Variants in CDH13 observed in about 807,000 individuals in gnomAD.
The protein encoded by CDH13 is cadherin-13.
In CDH13, 24 loss-of-function variants were observed where a neutral mutation model predicts 63.8. The ratio of observed to expected loss-of-function variants is 0.38; its 90% CI spans 0.27 to 0.53. The LOEUF is 0.53. CDH13 is among the 20% of genes least tolerant of loss of function. The probability of loss-of-function intolerance (pLI) is 0.85; values close to 1 mark genes in which losing one functional copy is unlikely to be tolerated. For missense variants in CDH13, 1,049 were observed against 903.1 expected, an observed-to-expected ratio of 1.16 and a Z score of -2.07; for synonymous variants, 503 against 355.3, an observed-to-expected ratio of 1.42 and a Z score of -4.67.
intron 7 of CDH13, among the ~76,000 whole-genome samples, chr16:83,580,689 G>A (rs1181838447): frequency 6.6e-6 from 1 of 152,034 alleles, no homozygotes; most frequent in Non-Finnish European, 1.5e-5. Flanking sequence ...TAGAGACAGG[G>A]TTTTGCTGTG....
At chr16:83,761,015 G>A (rs1470146325) in intron 11 of CDH13, among the ~76,000 whole-genome samples, 1 of 152,134 alleles carries the variant, frequency 6.6e-6, no homozygotes, top group Non-Finnish European at 1.5e-5. Context: ...TTTGCAACGG[G>A]CAGAAGTGAC....
At chr16:82,682,828 G>A (rs1914687820) in intron 1 of CDH13, among the ~76,000 whole-genome samples, 2 of 152,168 alleles carry the variant, frequency 1.3e-5, no homozygotes, top group African/African-American at 4.8e-5. Flanking sequence ...TCCGAAGTCT[G>A]TGCCACCCTG....
chr16:83,051,007 A>C (rs2030264283), intron 3 of CDH13, among the ~76,000 whole-genome samples: 1 of 152,086 alleles, frequency 6.6e-6, no homozygotes, highest in Non-Finnish European at 1.5e-5. Flanking sequence ...AACTGGTTTG[A>C]ACATCATTTC....
chr16:83,119,036 C>T (rs1001756471), intron 3 of CDH13, among the ~76,000 whole-genome samples: 1 of 152,168 alleles, frequency 6.6e-6, no homozygotes, highest in African/African-American at 2.4e-5. Context: ...TCCATGTAAT[C>T]GCCTAGCACA....
chr16:83,414,592 C>T (rs2092173336), intron 6 of CDH13, among the ~76,000 whole-genome samples: 2 of 152,024 alleles, frequency 1.3e-5, no homozygotes, highest in Admixed American at 1.3e-4. Flanking sequence ...CCCCTAGACC[C>T]TGACAGACAC....
intron 8 of CDH13, chr16:83,654,859 A>G (rs1419901145): frequency 6.6e-6 from 1 of 152,206 alleles, no homozygotes; most frequent in East Asian, 1.9e-4. Flanking sequence ...GTGAAAGAGC[A>G]TCTCCAGGTG....
At chr16:83,366,995 A>G (rs907412575) in intron 6 of CDH13, among the ~76,000 whole-genome samples, 6 of 152,076 alleles carry the variant, frequency 3.9e-5, no homozygotes, top group African/African-American at 1.4e-4. Context: ...TGTATGATTC[A>G]CCCATTTAAA....
chr16:83,307,105 T>G (rs900313385), intron 5 of CDH13, among the ~76,000 whole-genome samples: 1 of 152,150 alleles, frequency 6.6e-6, no homozygotes, highest in African/African-American at 2.4e-5. Context: ...GAAAAACTTG[T>G]GGTAACAACA....
At chr16:83,383,545 G>T (rs1029383999) in intron 6 of CDH13, among the ~76,000 whole-genome samples, 1 of 152,088 alleles carries the variant, frequency 6.6e-6, no homozygotes, top group Non-Finnish European at 1.5e-5. Context: ...TCTACTGCAA[G>T]GAAGACTGTT....
At chr16:82,865,277 C>T (rs2040087142) in intron 2 of CDH13, among the ~76,000 whole-genome samples, 1 of 152,234 alleles carries the variant, frequency 6.6e-6, no homozygotes, top group Non-Finnish European at 1.5e-5. Context: ...GGCTGTGCCC[C>T]AGTGGGGACT....
At chr16:82,847,668 G>A (rs1771897905) in intron 1 of CDH13, among the ~76,000 whole-genome samples, 1 of 152,172 alleles carries the variant, frequency 6.6e-6, no homozygotes. Flanking sequence ...CAGGTCCTGG[G>A]GAGTAGGGTG....
intron 1 of CDH13, among the ~76,000 whole-genome samples, chr16:82,666,145 G>C (rs113383573): frequency 6.6e-6 from 1 of 151,940 alleles, no homozygotes; most frequent in East Asian, 1.9e-4. Context: ...CTGTTTTTTT[G>C]CCAAAAAATA....
At chr16:83,450,714 T>C (rs1366150503) in intron 6 of CDH13, among the ~76,000 whole-genome samples, 1 of 151,880 alleles carries the variant, frequency 6.6e-6, no homozygotes, top group Non-Finnish European at 1.5e-5. Flanking sequence ...ACTAAAAATA[T>C]AAAAAATTAG....
intron 6 of CDH13, among the ~76,000 whole-genome samples, chr16:83,400,773 T>C (rs1396515484): frequency 1.3e-5 from 2 of 152,164 alleles, no homozygotes; most frequent in Admixed American, 1.3e-4. Context: ...ACTCTTTCCA[T>C]TTGGCCCAGT....
At position 83,378,466 on chromosome 16, in the gene CDH13, G is replaced by C. The variant is rs189005419; in HGVS notation, c.781+33460G>C. Among the ~76,000 whole-genome samples the C allele has an allele frequency of 2.6e-5, 4 of 152,264 alleles. No individual in the cohort carries two copies. In the East Asian group the frequency reaches 7.7e-4, roughly 29 times the overall value. ...CTAGTTGTCTGCAACGATAATATAT[G>C]TGACTGTTATTTTGTCTCATATCTC... On this transcript the variant is annotated intron_variant, in intron 6 of 13. Coordinates refer to ENST00000567109, the MANE Select transcript of CDH13 (RefSeq NM_001257.5).
At chr16:83,064,407 G>A (rs1190232369) in intron 3 of CDH13, among the ~76,000 whole-genome samples, 4 of 152,050 alleles carry the variant, frequency 2.6e-5, no homozygotes, top group Admixed American at 2.0e-4. Flanking sequence ...AAGTCATTTA[G>A]GAACAGATTT....
At chr16:82,950,807 C>CTTTTTTT (rs67534843) in intron 2 of CDH13, among the ~76,000 whole-genome samples, 2 of 132,120 alleles carry the variant, frequency 1.5e-5, no homozygotes, top group South Asian at 2.5e-4. Flanking sequence ...ACTCCCACAT[C>CTTTTTTT]TTTTTTTTTT....
At chr16:83,717,734 G>A (rs1909137335) in intron 10 of CDH13, 1 of 152,300 alleles carries the variant, frequency 6.6e-6, no homozygotes, top group South Asian at 2.1e-4. Context: ...GAAAAAGTAG[G>A]CCAATTAACC....
chr16:82,758,080 G>A (rs1029361602), intron 1 of CDH13, among the ~76,000 whole-genome samples: 2 of 152,028 alleles, frequency 1.3e-5, no homozygotes, highest in Non-Finnish European at 2.9e-5. Context: ...GTTCATGACC[G>A]GTGAGTGCCA....
Sources: gnomAD v4.1 joint callset for allele counts (sites outside exome capture counted in the v4.1 genomes callset) on GRCh38, gnomAD v4.1.1 for gene constraint, MANE v1.5 for transcripts, NCBI Gene and HGNC (gene_info 2026-07-23, HGNC 2026-07-21) for gene names.